The following MTHFSD variants were observed in gnomAD, a reference collection of about 807,000 sequenced individuals.
MTHFSD encodes the protein methenyltetrahydrofolate synthase domain-containing protein.
A neutral mutation model predicts 31.1 loss-of-function variants in MTHFSD; 37 were observed. The observed-to-expected ratio is 1.19, with a 90% CI of 0.91 to 1.56. The LOEUF is 1.56. Among genes scored for constraint, MTHFSD ranks in the 40% most tolerant of loss-of-function variants. MTHFSD has a pLI of 0.00. For missense variants in MTHFSD, 664 were observed against 510.1 expected (o/e 1.30, Z -2.91); for synonymous variants, 221 against 206.9 (o/e 1.07, Z -0.59).
At chr16:86,548,236 G>C (rs76064284) in intron 4 of MTHFSD, 38,567 of 1,000,732 alleles carry the variant, frequency 0.039, 923 homozygotes, top group Middle Eastern at 0.061. Flanking sequence ...TTTATAATTT[G>C]CCAATTTCGT....
chr16:86,555,233 AG>A lies in MTHFSD; in HGVS notation c.-50del, dbSNP rs1212992232. The stretch of plus-strand genomic sequence containing the variant: ...CTTCCCGGCGCAGGTTCTGGCGCGT[AG>A]TGACGTCACCCGCTCCGCGCCTGCG... On this transcript the variant is annotated 5_prime_UTR_variant, in exon 1 of 8. Transcript: ENST00000360900. The A allele has an allele frequency of 6.5e-7, 1 of 1,534,904 alleles. No individual in the cohort carries two copies.
intron 5 of MTHFSD, among the ~76,000 whole-genome samples, chr16:86,543,662 C>T (rs866491821): frequency 6.6e-6 from 1 of 152,148 alleles, no homozygotes. Context: ...TGTGTGCCAC[C>T]GTCCCTTCTG....
In MTHFSD at chr16:86,532,377, A is replaced by G. The variant is rs1970089540; in HGVS notation, c.786T>C (p.Leu262=). ...CTGTCTGCTGGCAGCCTGGTTCCGG[A>G]AGGTGCTGGTGCTCACCCTGGAGGG... The part of the protein sequence containing the change: ...DVTLQGEHQH[L]PEPGCQQTVP... Residue 262 remains leucine, a synonymous_variant, in exon 8 of 8, where the codon CTT becomes CTC. Coordinates refer to ENST00000360900, the MANE Select transcript of MTHFSD (RefSeq NM_001159377.2). 1 of 1,575,922 alleles carries G rather than the reference A, an allele frequency of 6.3e-7. No individual in the cohort carries two copies. Among genetic ancestry groups the G allele is most frequent in the African/African-American group, 1.4e-5 (1 of 73,872 alleles).
At chr16:86,538,093 C>A (rs1006864372) in intron 7 of MTHFSD, among the ~76,000 whole-genome samples, 2 of 152,224 alleles carry the variant, frequency 1.3e-5, no homozygotes, top group African/African-American at 2.4e-5. Context: ...TTGTGGGTGC[C>A]CGAGTGGCTT....
intron 7 of MTHFSD, chr16:86,533,586 G>C (rs527738891): frequency 6.6e-6 from 1 of 152,192 alleles, no homozygotes; most frequent in Non-Finnish European, 1.5e-5. Context: ...AGTTCAACTA[G>C]TATCAATGCT....
chr16:86,539,804 T>C (rs1303297644), intron 7 of MTHFSD, among the ~76,000 whole-genome samples: 1 of 152,192 alleles, frequency 6.6e-6, no homozygotes. Flanking sequence ...TCTTTGCGTA[T>C]TGAAAATGGG....
At chr16:86,544,537 C>T (rs966262387) in intron 5 of MTHFSD, among the ~76,000 whole-genome samples, 1 of 152,206 alleles carries the variant, frequency 6.6e-6, no homozygotes, top group Non-Finnish European at 1.5e-5. Context: ...GACACCACCT[C>T]ATGCCAGTCA....
At chr16:86,546,452 T>A in intron 5 of MTHFSD, 107 bp downstream of exon 5, 1 of 959,386 alleles carries the variant, frequency 1.0e-6, no homozygotes, top group East Asian at 2.4e-5. Flanking sequence ...GGTAAGCGCA[T>A]CCAGAAAGCA....
intron 5 of MTHFSD, among the ~76,000 whole-genome samples, chr16:86,545,619 G>A (rs532515526): frequency 9.2e-5 from 14 of 152,202 alleles, no homozygotes; most frequent in South Asian, 4.1e-4. Context: ...CCCTGAGGCC[G>A]CTACTGAGGA....
intron 7 of MTHFSD, among the ~76,000 whole-genome samples, chr16:86,538,379 G>C (rs903840892): frequency 1.3e-5 from 2 of 152,208 alleles, no homozygotes; most frequent in Non-Finnish European, 1.5e-5. Flanking sequence ...TGCTGCTGCT[G>C]TCCAGGTGCT....
intron 7 of MTHFSD, among the ~76,000 whole-genome samples, chr16:86,537,412 C>T (rs1420865161): frequency 6.6e-6 from 1 of 152,084 alleles, no homozygotes; most frequent in Non-Finnish European, 1.5e-5. Flanking sequence ...TGGACTCCCC[C>T]CACCCCCATT....
intron 5 of MTHFSD, among the ~76,000 whole-genome samples, chr16:86,545,044 T>A (rs1972084044): frequency 6.6e-6 from 1 of 152,050 alleles, no homozygotes; most frequent in Non-Finnish European, 1.5e-5. Flanking sequence ...CAACACATAC[T>A]GGGGCCTGTC....
chr16:86,551,983 T>C (rs1231151059), intron 3 of MTHFSD, 50 bp downstream of exon 3: 10 of 1,609,296 alleles, frequency 6.2e-6, no homozygotes, highest in South Asian at 1.1e-5. Flanking sequence ...CTGGAAAAGG[T>C]GTCCCCCTTG....
Position 86,532,203 on chromosome 16 carries a change from A to C in MTHFSD, c.960T>G (p.Ser320Arg). The C allele has an allele frequency of 6.3e-7, 1 of 1,584,996 alleles. No individual in the cohort carries two copies. The highest frequency in any genetic ancestry group is 8.6e-7 in the Non-Finnish European group (1 of 1,166,148). Residue 320 changes from serine (S) to arginine (R), a missense_variant, in exon 8 of 8, where the codon AGT (serine) becomes AGG (arginine). Physicochemically the swap from Ser to Arg is moderately radical, Grantham distance 110. Transcript: ENST00000360900. The stretch of plus-strand genomic sequence containing the variant: ...GTTCCCGCAGGGCTCTCTTCAGGTC[A>C]CTCACACGGGCGTCCCCGGGGAGGT... ...VGNLPGDARVSDLKRALRELG... is the reference protein window; with the variant it reads ...VGNLPGDARVRDLKRALRELG...
chr16:86,541,841 G>A lies in MTHFSD; in HGVS notation c.556-19C>T, dbSNP rs1278149153. 1.2e-6 allele frequency: 2 copies of A among 1,613,360 alleles called. No homozygotes were observed. Among genetic ancestry groups the A allele is most frequent in the South Asian group, 1.1e-5 (1 of 91,052 alleles). ...CCACGACCTGGGGGAAGAGAGGAGG[G>A]ATAAAGGGGCTGCTGGGAATGCCAC... On this transcript the variant is annotated intron_variant, in intron 6 of 7. Coordinates refer to ENST00000360900, the MANE Select transcript of MTHFSD (RefSeq NM_001159377.2).
intron 7 of MTHFSD, among the ~76,000 whole-genome samples, chr16:86,534,727 T>C (rs1970437050): frequency 1.3e-5 from 2 of 152,090 alleles, no homozygotes; most frequent in Admixed American, 1.3e-4. Context: ...GCTATGCATT[T>C]ATCTGGAAGA....
At chr16:86,538,628 C>A (rs1040010445) in intron 7 of MTHFSD, among the ~76,000 whole-genome samples, 1 of 152,252 alleles carries the variant, frequency 6.6e-6, no homozygotes, top group Non-Finnish European at 1.5e-5. Context: ...CAGCCCACTA[C>A]AGACTACCTG....
intron 2 of MTHFSD, 46 bp from the exon 3 acceptor site, chr16:86,552,192 A>G (rs1277122841): frequency 6.2e-7 from 1 of 1,614,056 alleles, no homozygotes; most frequent in Non-Finnish European, 8.5e-7. Flanking sequence ...AAGGACGAAG[A>G]AGCGAGCACT....
chr16:86,555,012 G>C (rs112434798), intron 1 of MTHFSD, 157 bp downstream of exon 1: 7 of 1,406,300 alleles, frequency 5.0e-6, no homozygotes, highest in South Asian at 3.0e-5. Context: ...CCGCTGGTTC[G>C]ACCCGAACCC....
Sources: allele counts gnomAD v4.1 joint callset (sites outside exome capture counted in the v4.1 genomes callset), GRCh38; gene constraint gnomAD v4.1.1; transcripts MANE v1.5; gene names NCBI Gene and HGNC (gene_info 2026-07-23, HGNC 2026-07-21).